YTHDC2: variants seen among roughly 807,000 people sequenced by gnomAD.
The protein encoded by YTHDC2 is 3'-5' RNA helicase YTHDC2.
A neutral mutation model predicts 174.9 loss-of-function variants in YTHDC2; 45 were observed. The ratio of observed to expected loss-of-function variants is 0.26; its 90% CI spans 0.20 to 0.33. The LOEUF (loss-of-function observed/expected upper bound fraction) is 0.33. Ranked by LOEUF, YTHDC2 falls within the 10% of genes least tolerant of loss-of-function variation. The pLI is 1.00. For synonymous variants in YTHDC2, 657 were observed against 574.5 expected, an observed-to-expected ratio of 1.14 and a Z score of -2.05; for missense variants, 1,650 against 1,723.7, an observed-to-expected ratio of 0.96 and a Z score of 0.76.
At chr5:113,558,369 A>G (rs1282299783) in intron 17 of YTHDC2, among the ~76,000 whole-genome samples, 1 of 152,236 alleles carries the variant, frequency 6.6e-6, no homozygotes, top group East Asian at 1.9e-4. Context: ...AGGCTTCTTC[A>G]TTAATACTTT....
chr5:113,590,238 A>G (rs562498030), intron 26 of YTHDC2, among the ~76,000 whole-genome samples: 2 of 152,346 alleles, frequency 1.3e-5, no homozygotes, highest in South Asian at 2.1e-4. Flanking sequence ...TTTAGTTGCA[A>G]TCAGTTGAAT....
chr5:113,592,260 G>A (rs1165628113), intron 28 of YTHDC2, 82 bp downstream of exon 28: 6 of 1,351,540 alleles, frequency 4.4e-6, no homozygotes, highest in Admixed American at 2.8e-5. Context: ...AGGAGAAAAT[G>A]TAAGAGTACA....
At chr5:113,549,129 A>C in intron 12 of YTHDC2, 109 bp downstream of exon 12, 1 of 926,108 alleles carries the variant, frequency 1.1e-6, no homozygotes, top group Non-Finnish European at 1.6e-6. Flanking sequence ...TTTTATCCAG[A>C]GATTTTTTTT....
chr5:113,556,197 T>C, intron 17 of YTHDC2, 63 bp downstream of exon 17: 1 of 812,744 alleles, frequency 1.2e-6, no homozygotes, highest in Non-Finnish European at 2.0e-6. Flanking sequence ...TTTATATGCA[T>C]TACACATTTA....
rs1220404383 is a variant in YTHDC2, at chr5:113,594,342, T to A, written c.*868T>A. The stretch of plus-strand genomic sequence containing the variant: ...AACTTGATTGAAACAAGTTCAAAAT[T>A]TAAACAAGTTCATACAAGTTTTTAA... On this transcript the variant is annotated 3_prime_UTR_variant, in exon 30 of 30. Coordinates refer to ENST00000161863, the MANE Select transcript of YTHDC2 (RefSeq NM_022828.5). 1.3e-5 allele frequency: 2 copies of A among 152,174 alleles called. No homozygotes were observed. Among genetic ancestry groups the A allele is most frequent in the East Asian group, 3.8e-4 (2 of 5,196 alleles). The allele number at this position is 152,174 out of a possible 1,614,324, so 9.4% of individuals were successfully genotyped here. A position where few individuals can be genotyped will look rare whatever the true frequency, so the allele number is the denominator to read the frequency against.
intron 4 of YTHDC2, among the ~76,000 whole-genome samples, chr5:113,529,338 T>G (rs1349453202): frequency 6.6e-6 from 1 of 152,198 alleles, no homozygotes; most frequent in Non-Finnish European, 1.5e-5. Context: ...TTGTACTTAC[T>G]TGTATCCTAA....
At position 113,519,989 on chromosome 5, in the gene YTHDC2, T is replaced by G. The variant is rs569696800; in HGVS notation, c.278+4627T>G. 3.3e-5 allele frequency among the ~76,000 whole-genome samples: 5 copies of G among 152,330 alleles called. No homozygotes were observed. The East Asian group carries it at 9.6e-4, about 29-fold the overall frequency. ...CTGGTGGTTTGCTGCACCTATCAAC[T>G]CATCAGCTAGGTTTTAAGCCCTGCA... On this transcript the variant is annotated intron_variant, in intron 2 of 29. Transcript: ENST00000161863.
chr5:113,563,720 T>A, intron 19 of YTHDC2, 139 bp from the exon 20 acceptor site: 1 of 1,045,224 alleles, frequency 9.6e-7, no homozygotes, highest in Non-Finnish European at 1.4e-6. Context: ...TATAGTATAA[T>A]AGAAACGAAA....
chr5:113,518,046 G>A (rs184166820), intron 2 of YTHDC2, among the ~76,000 whole-genome samples: 2 of 151,740 alleles, frequency 1.3e-5, no homozygotes, highest in African/African-American at 2.4e-5. Flanking sequence ...CCACCACCAC[G>A]CCCGGCTAAT....
At position 113,513,950 on chromosome 5, in the gene YTHDC2, G is replaced by C. The variant is rs536705446; in HGVS notation, c.55G>C (p.Gly19Arg). The stretch of plus-strand genomic sequence containing the variant: ...GCAGCCGGCTCCTGGCGGTGGCGGA[G>C]GCGGCGGCCCCTCGCCTTGTGGCCC... ...PRQPAPGGGG[G>R]GGPSPCGPGG... The change falls in exon 1 of 30, where the codon GGC becomes CGC. Residue 19 changes from glycine (G) to arginine (R), a missense_variant. Gly to Arg is a moderately radical substitution (Grantham distance 125, BLOSUM62 -2). Around this residue, in one of 5 missense-constraint regions of YTHDC2, gnomAD observed 304 missense variants for 341.4 expected, o/e 0.89. Transcript: ENST00000161863. 3 of 1,603,440 alleles carry C rather than the reference G, an allele frequency of 1.9e-6. No homozygotes were observed. The highest frequency in any genetic ancestry group is 2.6e-6 in the Non-Finnish European group (3 of 1,175,314).
chr5:113,579,058 A>C (rs1778237346), intron 23 of YTHDC2, among the ~76,000 whole-genome samples: 2 of 151,950 alleles, frequency 1.3e-5, no homozygotes, highest in African/African-American at 4.8e-5. Flanking sequence ...TTATCTATTA[A>C]TATTTTCAAA....
At chr5:113,590,951 G>A in intron 26 of YTHDC2, 90 bp from the exon 27 acceptor site, 1 of 1,038,960 alleles carries the variant, frequency 9.6e-7, no homozygotes, top group Non-Finnish European at 1.4e-6. Context: ...AAATATTTTG[G>A]CTTATATGTT....
At chr5:113,527,367 T>G (rs147467973) in intron 4 of YTHDC2, among the ~76,000 whole-genome samples, 1 of 152,232 alleles carries the variant, frequency 6.6e-6, no homozygotes, top group African/African-American at 2.4e-5. Flanking sequence ...TACCTCCTTA[T>G]GAAGTTTTAC....
At position 113,591,110 on chromosome 5, in the gene YTHDC2, A is replaced by G. The variant is rs1156796454; in HGVS notation, c.3895A>G (p.Arg1299Gly). 6.2e-7 allele frequency: 1 copy of G among 1,613,996 alleles called. No homozygotes were observed. Among genetic ancestry groups the G allele is most frequent in the South Asian group, 1.1e-5 (1 of 91,078 alleles). ...CTTCATAATGAAGAGTAGCAATTTG[A>G]GAAACCTTGAAATTTCTCAACAGAA... ...RYFIMKSSNLRNLEISQQKGI... is the reference protein window; with the variant it reads ...RYFIMKSSNLGNLEISQQKGI... Residue 1299 changes from arginine to glycine, a missense_variant, in exon 27 of 30, where the codon AGA becomes GGA. This residue lies in a region of YTHDC2 where 913 missense variants were observed against 940.4 expected (regional missense o/e 0.97). Coordinates refer to ENST00000161863, the MANE Select transcript of YTHDC2 (RefSeq NM_022828.5).
In YTHDC2 at chr5:113,515,266, G is replaced by C; in HGVS notation, c.188-6G>C. On this transcript the variant is annotated splice_polypyrimidine_tract_variant and splice_region_variant and intron_variant, in intron 1 of 29. Coordinates refer to ENST00000161863, the MANE Select transcript of YTHDC2 (RefSeq NM_022828.5). ...AATTTTACTACTTTGTTTTTTTTCC[G>C]TGTAGAAATGGAATTTCCTTCTTCT... 1.3e-6 allele frequency: 2 copies of C among 1,593,236 alleles called. No individual in the cohort carries two copies. Among genetic ancestry groups the C allele is most frequent in the Non-Finnish European group, 1.7e-6 (2 of 1,173,172 alleles).
At chr5:113,552,554 A>G (rs1776319332) in intron 12 of YTHDC2, among the ~76,000 whole-genome samples, 1 of 152,096 alleles carries the variant, frequency 6.6e-6, no homozygotes, top group Non-Finnish European at 1.5e-5. Flanking sequence ...TTGTTTGTAT[A>G]TTTGTCAATT....
intron 10 of YTHDC2, among the ~76,000 whole-genome samples, chr5:113,544,595 T>C (rs1480446578): frequency 6.6e-6 from 1 of 152,220 alleles, no homozygotes; most frequent in Non-Finnish European, 1.5e-5. Context: ...TCTAACTACA[T>C]AGCATCTCCC....
intron 23 of YTHDC2, among the ~76,000 whole-genome samples, chr5:113,570,409 A>G (rs1051379238): frequency 6.6e-6 from 1 of 151,724 alleles, no homozygotes; most frequent in African/African-American, 2.4e-5. Flanking sequence ...GCCTTTTCCT[A>G]TGTATTTTAT....
chr5:113,588,116 A>G (rs1778794180), intron 26 of YTHDC2, among the ~76,000 whole-genome samples: 1 of 152,020 alleles, frequency 6.6e-6, no homozygotes. Context: ...TATTTCATTT[A>G]TTAATTCTAT....
Sources: allele counts gnomAD v4.1 joint callset (sites outside exome capture counted in the v4.1 genomes callset), GRCh38; gene constraint gnomAD v4.1.1; regional missense constraint gnomAD v4.1.1; transcripts MANE v1.5; gene names NCBI Gene and HGNC (gene_info 2026-07-23, HGNC 2026-07-21).